SLC6A6: variants seen among roughly 807,000 people sequenced by gnomAD.
SLC6A6 encodes sodium- and chloride-dependent taurine transporter.
Under a neutral mutation model 68.8 loss-of-function variants are expected in SLC6A6, and 16 were observed. That is an observed-to-expected ratio of 0.23 (90% CI 0.16 to 0.35). SLC6A6 has a LOEUF of 0.35. Among genes scored for constraint, SLC6A6 ranks in the 10% least tolerant of loss-of-function variants. SLC6A6 has a pLI of 1.00. For synonymous variants in SLC6A6, 312 were observed against 315.4 expected, an observed-to-expected ratio of 0.99 and a Z score of 0.12; for missense variants, 474 against 802.8, an observed-to-expected ratio of 0.59 and a Z score of 4.95.
In SLC6A6 at chr3:14,481,891, G is replaced by T; in HGVS notation, c.1722+50G>T. On this transcript the variant is annotated intron_variant, in intron 14 of 14. Transcript: ENST00000622186. The surrounding 1 kb of genome is among the most constrained non-coding windows in gnomAD (Gnocchi z 4.7). ...GGGAGGTGGGAGGCGCGAGGCCAAAGGTGATTGTTGTCAGTTTGCTGCGTG... is the reference window on the plus strand; with the variant it reads ...GGGAGGTGGGAGGCGCGAGGCCAAATGTGATTGTTGTCAGTTTGCTGCGTG... 6.6e-7 allele frequency: 1 copy of T among 1,511,672 alleles called. No individual in the cohort carries two copies. The highest frequency in any genetic ancestry group is 9.1e-7 in the Non-Finnish European group (1 of 1,096,754). 93.6% of individuals were successfully genotyped at this position (1,511,672 alleles called of 1,614,324 possible). A position where few individuals can be genotyped will look rare whatever the true frequency, so the allele number is the denominator to read the frequency against.
intron 3 of SLC6A6, among the ~76,000 whole-genome samples, chr3:14,445,263 A>AAC (rs3836359): frequency 0.48 from 73,054 of 151,046 alleles, 18,795 homozygotes; most frequent in African/African-American, 0.67. Context: ...TCTACTAAAA[A>AAC]ACAAAAAATT....
At chr3:14,440,383 G>A (rs1699954736) in intron 2 of SLC6A6, among the ~76,000 whole-genome samples, 1 of 152,020 alleles carries the variant, frequency 6.6e-6, no homozygotes, top group Admixed American at 6.5e-5. Context: ...GGTTCAGAGG[G>A]GACTGAGCCT....
rs1189516753 is a variant in SLC6A6 at position 14,466,669 on chromosome 3, A to C, written c.867+19A>C. The C allele has an allele frequency of 6.3e-7, 1 of 1,592,500 alleles. No individual in the cohort carries two copies. The highest frequency in any genetic ancestry group is 8.6e-7 in the Non-Finnish European group (1 of 1,165,940). On this transcript the variant is annotated intron_variant, in intron 7 of 14. Transcript: ENST00000622186. ...CCCACAGGTACTGTGGGGCTGGGAC[A>C]CACCATCCTCCCTCCCATCCAGGGC...
At chr3:14,413,155 G>C (rs993336370) in intron 1 of SLC6A6, among the ~76,000 whole-genome samples, 2 of 152,212 alleles carry the variant, frequency 1.3e-5, no homozygotes, top group African/African-American at 2.4e-5. Context: ...GCCTGGGAGT[G>C]GGGGAGCCAC....
At chr3:14,404,320 T>C (rs1699057497) in intron 1 of SLC6A6, among the ~76,000 whole-genome samples, 1 of 151,542 alleles carries the variant, frequency 6.6e-6, no homozygotes, top group Non-Finnish European at 1.5e-5. Flanking sequence ...CACCCAGGGA[T>C]TGTGGGGTGG....
chr3:14,455,178 C>T (rs1474807016), intron 5 of SLC6A6, among the ~76,000 whole-genome samples: 2 of 152,234 alleles, frequency 1.3e-5, no homozygotes, highest in Admixed American at 6.5e-5. Flanking sequence ...CTGGATGGCA[C>T]CATGAGGTCC....
In SLC6A6 at chr3:14,484,824, G is replaced by C. The variant is rs767078713; in HGVS notation, c.1723-43G>C. On this transcript the variant is annotated intron_variant, in intron 14 of 14. Transcript: ENST00000622186. ...ATGGCCCTGGCGAAGGGGAGACCAG[G>C]CCGCCTGACGTTTCCCCCCTCACTC... The C allele has an allele frequency of 4.4e-6, 7 of 1,600,720 alleles. No homozygotes were observed. The Admixed American group carries it at 6.7e-5, about 15-fold the overall frequency.
chr3:14,467,735 A>G, intron 7 of SLC6A6, 118 bp from the exon 8 acceptor site: 1 of 629,158 alleles, frequency 1.6e-6, no homozygotes. Flanking sequence ...TTCCATTTGC[A>G]TGTGCAAGGT....
intron 14 of SLC6A6, among the ~76,000 whole-genome samples, chr3:14,483,295 G>T (rs888489702): frequency 1.3e-5 from 2 of 152,206 alleles, no homozygotes; most frequent in Non-Finnish European, 2.9e-5. Context: ...GAAGGCAGTT[G>T]AGCCACCATC....
Position 14,458,099 on chromosome 3 carries a change from T to G in SLC6A6, c.732+17T>G. On this transcript the variant is annotated intron_variant, in intron 6 of 14. Transcript: ENST00000622186. ...ACTGGGAAGGTAAGTTGGACTTCTG[T>G]CCGTCCCCTGCCTCCTGGAGAGCTG... The G allele has an allele frequency of 6.2e-7, 1 of 1,612,172 alleles. No homozygotes were observed. The highest frequency in any genetic ancestry group is 8.5e-7 in the Non-Finnish European group (1 of 1,178,274).
intron 4 of SLC6A6, among the ~76,000 whole-genome samples, chr3:14,447,004 A>C (rs1453956850): frequency 2.0e-5 from 3 of 151,986 alleles, no homozygotes; most frequent in African/African-American, 4.8e-5. Flanking sequence ...CCATCCATCT[A>C]TCCATCTATT....
chr3:14,434,928 A>G (rs1167110526), intron 2 of SLC6A6, among the ~76,000 whole-genome samples: 3 of 152,218 alleles, frequency 2.0e-5, no homozygotes, highest in African/African-American at 7.2e-5. Context: ...CCCAGTCCCC[A>G]GACCTTATGT....
chr3:14,454,825 T>G (rs758971611), intron 5 of SLC6A6, among the ~76,000 whole-genome samples: 3 of 152,216 alleles, frequency 2.0e-5, no homozygotes, highest in Non-Finnish European at 4.4e-5. Context: ...ATAGTGTGTG[T>G]GTATTCAAGT....
At chr3:14,409,586 G>A (rs930113766) in intron 1 of SLC6A6, among the ~76,000 whole-genome samples, 2 of 152,266 alleles carry the variant, frequency 1.3e-5, no homozygotes, top group Admixed American at 6.5e-5. Context: ...CCTACTGTGT[G>A]CCAGGCACAG....
rs1467612076 is a variant in SLC6A6 at position 14,472,825 on chromosome 3, C to T, written c.1209+508C>T. Among the ~76,000 whole-genome samples, 2 of 152,246 alleles carry T rather than the reference C, an allele frequency of 1.3e-5. No homozygotes were observed. Among genetic ancestry groups the T allele is most frequent in the African/African-American group, 2.4e-5 (1 of 41,460 alleles). Reference sequence around the variant, plus strand: ...GTTGCAAGTGCCCAGGAGAAGCCTACGCCACACTCAGGATTCTGTGCTCCC... The same window carrying T: ...GTTGCAAGTGCCCAGGAGAAGCCTATGCCACACTCAGGATTCTGTGCTCCC... On this transcript the variant is annotated intron_variant, in intron 10 of 14. Coordinates refer to ENST00000622186, the MANE Select transcript of SLC6A6 (RefSeq NM_003043.6). The surrounding 1 kb of genome is among the most constrained non-coding windows in gnomAD (Gnocchi z 4.5).
chr3:14,420,489 C>CTTTTTTTT (rs763732632), intron 2 of SLC6A6, among the ~76,000 whole-genome samples: 1 of 128,082 alleles, frequency 7.8e-6, no homozygotes. Flanking sequence ...AACCACTCTG[C>CTTTTTTTT]TTTTTTTTTT....
In SLC6A6 at chr3:14,487,421, C is replaced by T. The variant is rs773558156; in HGVS notation, c.*2414C>T. On this transcript the variant is annotated 3_prime_UTR_variant, in exon 15 of 15. Coordinates refer to ENST00000622186, the MANE Select transcript of SLC6A6 (RefSeq NM_003043.6). Reference sequence around the variant, plus strand: ...CTCTGCGAGTACCTGTGTAATAATGCTCAACCTTCATGTCTCCGTATAAAC... The same window carrying T: ...CTCTGCGAGTACCTGTGTAATAATGTTCAACCTTCATGTCTCCGTATAAAC... 1 of 152,440 alleles carries T rather than the reference C, an allele frequency of 6.6e-6. No homozygotes were observed. Among genetic ancestry groups the T allele is most frequent in the Non-Finnish European group, 1.5e-5 (1 of 68,066 alleles). The allele number at this position is 152,440 out of a possible 1,614,324, so 9.4% of individuals were successfully genotyped here. A position where few individuals can be genotyped will look rare whatever the true frequency, so the allele number is the denominator to read the frequency against.
At chr3:14,409,746 T>TGA (rs1233571473) in intron 1 of SLC6A6, among the ~76,000 whole-genome samples, 1 of 152,230 alleles carries the variant, frequency 6.6e-6, no homozygotes, top group African/African-American at 2.4e-5. Flanking sequence ...GCCTCAGGTC[T>TGA]GAGGGAGAGC....
intron 2 of SLC6A6, among the ~76,000 whole-genome samples, chr3:14,429,950 G>T (rs186516290): frequency 2.0e-5 from 3 of 151,332 alleles, no homozygotes; most frequent in Middle Eastern, 3.4e-3. Context: ...AATGGTGGGG[G>T]TGATTTGAGC....
Sources: gnomAD v4.1 joint callset for allele counts (sites outside exome capture counted in the v4.1 genomes callset) on GRCh38, gnomAD v4.1.1 for gene constraint, Gnocchi (gnomAD v3.1) non-coding constraint, MANE v1.5 for transcripts, NCBI Gene and HGNC (gene_info 2026-07-23, HGNC 2026-07-21) for gene names.